NFASC: variants seen among roughly 807,000 people sequenced by gnomAD.
NFASC encodes the protein neurofascin.
Under a neutral mutation model 147.5 loss-of-function variants are expected in NFASC, and 43 were observed. That is an observed-to-expected ratio of 0.29 (90% CI 0.23 to 0.38). The LOEUF (loss-of-function observed/expected upper bound fraction) is 0.38, where lower values mean the gene tolerates loss of function less well. Among genes scored for constraint, NFASC ranks in the 10% least tolerant of loss-of-function variants. NFASC has a pLI of 1.00. For synonymous variants in NFASC, 622 were observed against 665.5 expected (o/e 0.93, Z 1.01); for missense variants, 1,320 against 1,689.0 (o/e 0.78, Z 3.83).
At chr1:204,847,853 CTGTT>C (rs1277131588) in intron 1 of NFASC, among the ~76,000 whole-genome samples, 1 of 152,178 alleles carries the variant, frequency 6.6e-6, no homozygotes, top group East Asian at 1.9e-4. Flanking sequence ...TTCAGTTCCT[CTGTT>C]TGTCCCATTC....
intron 1 of NFASC, among the ~76,000 whole-genome samples, chr1:204,848,475 C>T (rs1177467906): frequency 2.0e-5 from 3 of 152,192 alleles, no homozygotes; most frequent in Middle Eastern, 3.2e-3. Flanking sequence ...AACCTCCTGC[C>T]TTGGCTTCCC....
intron 1 of NFASC, among the ~76,000 whole-genome samples, chr1:204,856,268 G>C (rs571014213): frequency 1.3e-5 from 2 of 152,226 alleles, no homozygotes; most frequent in African/African-American, 4.8e-5. Context: ...GGCTGTTGCA[G>C]ACAAAGCTTC....
intron 24 of NFASC, among the ~76,000 whole-genome samples, chr1:204,991,801 C>A (rs1311836671): frequency 6.6e-6 from 1 of 152,214 alleles, no homozygotes; most frequent in Non-Finnish European, 1.5e-5. Flanking sequence ...CATGGGGGCC[C>A]GGCACCGGCT....
intron 1 of NFASC, among the ~76,000 whole-genome samples, chr1:204,842,211 G>A (rs1480648267): frequency 6.6e-6 from 1 of 152,220 alleles, no homozygotes; most frequent in East Asian, 1.9e-4. Flanking sequence ...CCTGAGGTCT[G>A]ACTAAGCATA....
chr1:204,916,323 T>G (rs2089238238), intron 1 of NFASC, among the ~76,000 whole-genome samples: 1 of 152,228 alleles, frequency 6.6e-6, no homozygotes, highest in Non-Finnish European at 1.5e-5. Context: ...ATTCTAAGTT[T>G]CACTTTTAAC....
chr1:204,874,714 A>T (rs2078408266), intron 1 of NFASC, among the ~76,000 whole-genome samples: 1 of 152,204 alleles, frequency 6.6e-6, no homozygotes, highest in South Asian at 2.1e-4. Context: ...CTTCTCAGGG[A>T]TTCAAGCACA....
chr1:204,992,742 G>A (rs1027288971), intron 24 of NFASC, among the ~76,000 whole-genome samples: 3 of 152,174 alleles, frequency 2.0e-5, no homozygotes, highest in South Asian at 2.1e-4. Context: ...GCAGCTCCCC[G>A]TCCACCTCCC....
At chr1:204,840,194 C>T (rs1380157413) in intron 1 of NFASC, among the ~76,000 whole-genome samples, 2 of 152,162 alleles carry the variant, frequency 1.3e-5, no homozygotes, top group Non-Finnish European at 2.9e-5. Context: ...GCCAGTACTG[C>T]CCATCTGCAA....
At position 204,979,663 on chromosome 1, in the gene NFASC, C is replaced by G; in HGVS notation, c.2176+104C>G. On this transcript the variant is annotated intron_variant, in intron 19 of 29. Coordinates refer to ENST00000339876, the MANE Select transcript of NFASC (RefSeq NM_001005388.3). This position sits in a 1 kb window ranked among gnomAD's most constrained non-coding sequence, Gnocchi z 6.0. ...CATGTGAACTTAGGTTACTTAACTT[C>G]TCCAAGGCCCGGCCTCATCTGTGAG... The G allele has an allele frequency of 9.7e-7, 1 of 1,030,330 alleles. No individual in the cohort carries two copies. Among genetic ancestry groups the G allele is most frequent in the Non-Finnish European group, 1.5e-6 (1 of 656,948 alleles). The allele number at this position is 1,030,330 out of a possible 1,614,324, so 63.8% of individuals were successfully genotyped here. A position where few individuals can be genotyped will look rare whatever the true frequency, so the allele number is the denominator to read the frequency against.
rs1188931626 is a variant in NFASC at position 205,021,301 on chromosome 1, A to C, written c.*4762A>C. The C allele has an allele frequency of 6.5e-6, 1 of 152,732 alleles. No homozygotes were observed. Among genetic ancestry groups the C allele is most frequent in the South Asian group, 2.1e-4 (1 of 4,818 alleles). 9.5% of individuals were successfully genotyped at this position (152,732 alleles called of 1,614,324 possible). On this transcript the variant is annotated 3_prime_UTR_variant, in exon 30 of 30. Coordinates refer to ENST00000339876, the MANE Select transcript of NFASC (RefSeq NM_001005388.3). ...CTTCCTGAGACACATTCAGAGAAGG[A>C]TCAGAGAGAAAGGAGAACCATCCAG...
At position 205,012,790 on chromosome 1, in the gene NFASC, G is replaced by A; in HGVS notation, c.3422-7G>A. ...TGTCTGTGTCTTTGCTTCTCCTTTT[G>A]ACCAAGTACGAGAAAAGAAGGATGT... On this transcript the variant is annotated splice_region_variant and splice_polypyrimidine_tract_variant and intron_variant, in intron 28 of 29. Coordinates refer to ENST00000339876, the MANE Select transcript of NFASC (RefSeq NM_001005388.3). The A allele has an allele frequency of 1.2e-6, 2 of 1,608,242 alleles. No homozygotes were observed.
intron 1 of NFASC, among the ~76,000 whole-genome samples, chr1:204,843,972 A>G (rs1366231801): frequency 6.6e-6 from 1 of 152,064 alleles, no homozygotes; most frequent in East Asian, 1.9e-4. Context: ...TCCTGATCTC[A>G]GGTGATCCGC....
chr1:204,970,491 G>C (rs2150278219), intron 10 of NFASC, 125 bp from the exon 11 acceptor site: 1 of 1,085,140 alleles, frequency 9.2e-7, no homozygotes. Context: ...TGAGCCCTGG[G>C]GCAGGTGGTG....
At chr1:204,927,875 G>T (rs2149531128) in intron 2 of NFASC, among the ~76,000 whole-genome samples, 1 of 152,266 alleles carries the variant, frequency 6.6e-6, no homozygotes, top group East Asian at 1.9e-4. Context: ...GTGTCTAATT[G>T]CTGTGAAAAC....
At chr1:204,910,635 A>T (rs939952098) in intron 1 of NFASC, among the ~76,000 whole-genome samples, 9 of 151,734 alleles carry the variant, frequency 5.9e-5, no homozygotes, top group Non-Finnish European at 1.0e-4. Context: ...GGATGTGCTG[A>T]GTTGCACCTG....
intron 21 of NFASC, 23 bp downstream of exon 21, chr1:204,982,043 C>T (rs781181676): frequency 6.8e-7 from 1 of 1,473,768 alleles, no homozygotes; most frequent in East Asian, 2.5e-5. Context: ...CTCCCCGTCC[C>T]CCCATCAGGA....
At chr1:204,912,106 A>G (rs2087684877) in intron 1 of NFASC, among the ~76,000 whole-genome samples, 1 of 150,804 alleles carries the variant, frequency 6.6e-6, no homozygotes, top group South Asian at 2.1e-4. Flanking sequence ...CTTTTTCCCT[A>G]TTGTGTTTGT....
Position 204,960,392 on chromosome 1 carries a change from C to G in NFASC, c.706+2566C>G, listed in dbSNP as rs1052266463. Among the ~76,000 whole-genome samples, 6 of 152,354 alleles carry G rather than the reference C, an allele frequency of 3.9e-5. 1 individual carries two copies. The South Asian group carries it at 1.2e-3, about 32-fold the overall frequency. ...CTGGGCCCGTCCCACTCTGCCTATG[C>G]TGTAACAGGTGCTGGGTGCCTCCTG... On this transcript the variant is annotated intron_variant, in intron 8 of 29. Transcript: ENST00000339876.
chr1:204,922,557 A>G (rs1324724100), intron 2 of NFASC, among the ~76,000 whole-genome samples: 1 of 152,148 alleles, frequency 6.6e-6, no homozygotes. Context: ...TTCCCATTTG[A>G]TTGGTGAATA....
Sources: allele counts gnomAD v4.1 joint callset (sites outside exome capture counted in the v4.1 genomes callset), GRCh38; gene constraint gnomAD v4.1.1; non-coding constraint Gnocchi (gnomAD v3.1); transcripts MANE v1.5; gene names NCBI Gene and HGNC (gene_info 2026-07-23, HGNC 2026-07-21).